Variants in GALNT13 observed in about 807,000 individuals in gnomAD.
GALNT13 encodes UDP-GalNAc:polypeptide N-acetylgalactosaminyltransferase 13.
In GALNT13, 28 loss-of-function variants were observed where a neutral mutation model predicts 64.2. The observed-to-expected ratio is 0.44, with a 90% CI of 0.32 to 0.60. The LOEUF (loss-of-function observed/expected upper bound fraction) is 0.60, where lower values mean the gene tolerates loss of function less well. Among genes scored for constraint, GALNT13 ranks in the 20% least tolerant of loss-of-function variants. The pLI, the probability that GALNT13 is intolerant of heterozygous loss-of-function variation, is 0.05. For synonymous variants in GALNT13, 214 were observed against 224.6 expected (o/e 0.95, Z 0.42); for missense variants, 577 against 669.8 (o/e 0.86, Z 1.53).
At chr2:153,829,327 G>A in the GALNT13 span, among the ~76,000 whole-genome samples, 2 of 152,134 alleles carry the variant, frequency 1.3e-5, 1 homozygote, top group Non-Finnish European at 2.9e-5. Context: ...AAAGAAAGAG[G>A]TTTAATGGAC....
the GALNT13 span, among the ~76,000 whole-genome samples, chr2:153,127,385 G>T: frequency 6.6e-6 from 1 of 152,096 alleles, no homozygotes; most frequent in Non-Finnish European, 1.5e-5. Context: ...TCAGATGAGT[G>T]CAAATCCCTA....
the GALNT13 span, among the ~76,000 whole-genome samples, chr2:153,715,614 C>T: frequency 1.3e-5 from 2 of 152,198 alleles, no homozygotes; most frequent in Non-Finnish European, 2.9e-5. Flanking sequence ...TTGGCATGTA[C>T]TACTTGTCAA....
the GALNT13 span, among the ~76,000 whole-genome samples, chr2:153,253,287 T>A: frequency 2.2e-4 from 32 of 142,750 alleles, no homozygotes; most frequent in Admixed American, 6.4e-4. Context: ...GTTGGTGTAT[T>A]AGAATGCTTG....
Position 154,245,818 on chromosome 2 carries a change from G to T in GALNT13, c.693G>T (p.Thr231=). 6.3e-7 allele frequency: 1 copy of T among 1,587,852 alleles called. No homozygotes were observed. Among genetic ancestry groups the T allele is most frequent in the East Asian group, 2.3e-5 (1 of 44,282 alleles). Residue 231 remains threonine (T), a synonymous_variant, in exon 7 of 13, where the codon ACG becomes ACT. Coordinates refer to ENST00000392825, the MANE Select transcript of GALNT13 (RefSeq NM_052917.4). Reference sequence around the variant, plus strand: ...GGTTTTAATTTCTCTGCAGGAAAACGGTTGTCTGCCCTATCATTGATGTGA... The same window carrying T: ...GGTTTTAATTTCTCTGCAGGAAAACTGTTGTCTGCCCTATCATTGATGTGA... The part of the protein sequence containing the change: ...LLARIKEDRK[T]VVCPIIDVIS...
At chr2:154,289,284 A>T (rs1221890763) in intron 8 of GALNT13, among the ~76,000 whole-genome samples, 1 of 152,100 alleles carries the variant, frequency 6.6e-6, no homozygotes, top group African/African-American at 2.4e-5. Flanking sequence ...CCTATGAAAA[A>T]TTTTTTTGTC....
chr2:153,922,812 A>G lies in GALNT13; in HGVS notation c.-104-21582A>G, dbSNP rs144685918. Among the ~76,000 whole-genome samples, 596 of 152,232 alleles carry G rather than the reference A, an allele frequency of 3.9e-3. 5 individuals carry two copies. The highest frequency in any genetic ancestry group is 0.014 in the African/African-American group (577 of 41,574). ...TGATAAATGGAAATGAATATTTTAG[A>G]AACTCAGAGATATATTATTTAATAA... On this transcript the variant is annotated intron_variant, in intron 2 of 12. Transcript: ENST00000392825.
chr2:154,395,595 CT>C (rs1481356816), intron 9 of GALNT13, among the ~76,000 whole-genome samples: 1 of 152,030 alleles, frequency 6.6e-6, no homozygotes. Context: ...GAATAAGTGA[CT>C]CTATAGGGAA....
the GALNT13 span, among the ~76,000 whole-genome samples, chr2:153,545,518 A>G: frequency 4.6e-5 from 7 of 152,202 alleles, no homozygotes; most frequent in Admixed American, 6.5e-5. Flanking sequence ...GAGGGCAAGC[A>G]GCAGTCTGTA....
chr2:154,149,119 G>A (rs949453241), intron 4 of GALNT13, among the ~76,000 whole-genome samples: 6 of 152,148 alleles, frequency 3.9e-5, no homozygotes, highest in Non-Finnish European at 5.9e-5. Context: ...GTGTAAGGAA[G>A]GGATCCAGTT....
At chr2:153,756,989 T>C in the GALNT13 span, among the ~76,000 whole-genome samples, 1 of 152,098 alleles carries the variant, frequency 6.6e-6, no homozygotes. Flanking sequence ...TTAAAGAACG[T>C]TTATTTATTT....
At chr2:153,860,443 T>C in the GALNT13 span, among the ~76,000 whole-genome samples, 1 of 150,696 alleles carries the variant, frequency 6.6e-6, no homozygotes, top group Admixed American at 6.6e-5. Flanking sequence ...AGTTGACTTC[T>C]ATCCTCTTTT....
At chr2:154,103,997 T>C (rs536361683) in intron 3 of GALNT13, among the ~76,000 whole-genome samples, 1 of 152,132 alleles carries the variant, frequency 6.6e-6, no homozygotes, top group Non-Finnish European at 1.5e-5. Flanking sequence ...GCACCCTCCC[T>C]GACCCCTGAT....
At chr2:153,407,502 G>A in the GALNT13 span, among the ~76,000 whole-genome samples, 5 of 152,168 alleles carry the variant, frequency 3.3e-5, no homozygotes, top group African/African-American at 1.2e-4. Flanking sequence ...TAATATTTAG[G>A]GACCTCATGT....
At chr2:153,524,594 G>A in the GALNT13 span, among the ~76,000 whole-genome samples, 6 of 152,112 alleles carry the variant, frequency 3.9e-5, no homozygotes, top group African/African-American at 1.4e-4. Context: ...CTGTGTGCTG[G>A]GGGAGGAAGA....
intron 4 of GALNT13, among the ~76,000 whole-genome samples, chr2:154,208,665 TGTG>T (rs1290850224): frequency 1.4e-5 from 2 of 145,278 alleles, no homozygotes; most frequent in East Asian, 3.9e-4. Flanking sequence ...TGTGTGTGTG[TGTG>T]TAGCTAATTG....
intron 9 of GALNT13, among the ~76,000 whole-genome samples, chr2:154,351,169 T>C (rs1198471945): frequency 6.6e-6 from 1 of 152,002 alleles, no homozygotes; most frequent in Non-Finnish European, 1.5e-5. Context: ...AAGAATGACT[T>C]TGCGCTTTGG....
chr2:154,206,741 C>T (rs1393726278), intron 4 of GALNT13, among the ~76,000 whole-genome samples: 4 of 151,388 alleles, frequency 2.6e-5, no homozygotes, highest in African/African-American at 9.7e-5. Context: ...CCGAGATTGC[C>T]CCACTGCATT....
At chr2:153,909,309 G>T (rs151321157) in intron 2 of GALNT13, among the ~76,000 whole-genome samples, 1 of 151,956 alleles carries the variant, frequency 6.6e-6, no homozygotes. Context: ...ACTTTGCTGA[G>T]GTTTATCAGT....
chr2:153,787,528 G>A, the GALNT13 span, among the ~76,000 whole-genome samples: 1 of 152,106 alleles, frequency 6.6e-6, no homozygotes, highest in Non-Finnish European at 1.5e-5. Flanking sequence ...GCAACTAATC[G>A]GCCAGAGTGT....
Sources: allele counts gnomAD v4.1 joint callset (sites outside exome capture counted in the v4.1 genomes callset), GRCh38; gene constraint gnomAD v4.1.1; transcripts MANE v1.5; gene names NCBI Gene and HGNC (gene_info 2026-07-23, HGNC 2026-07-21).